Variants in RANBP2 observed in about 807,000 individuals in gnomAD.
RANBP2 encodes E3 SUMO-protein ligase RanBP2.
In RANBP2, 57 loss-of-function variants were observed where a neutral mutation model predicts 303.6. The observed-to-expected ratio is 0.19, with a 90% CI of 0.15 to 0.23. RANBP2 has a LOEUF of 0.23. RANBP2 is among the 10% of genes least tolerant of loss of function. The pLI, the probability that RANBP2 is intolerant of heterozygous loss-of-function variation, is 1.00. For synonymous variants in RANBP2, 1,167 were observed against 1,301.5 expected (o/e 0.90, Z 2.23); for missense variants, 3,138 against 3,780.8 (o/e 0.83, Z 4.46).
At chr2:109,556,640 T>C in the RANBP2 span, among the ~76,000 whole-genome samples, 1 of 151,972 alleles carries the variant, frequency 6.6e-6, no homozygotes, top group African/African-American at 2.4e-5. Flanking sequence ...TATCAGGCCT[T>C]TTTTTTTCTG....
At chr2:108,982,216 C>A in the RANBP2 span, among the ~76,000 whole-genome samples, 1 of 152,352 alleles carries the variant, frequency 6.6e-6, no homozygotes, top group South Asian at 2.1e-4. Context: ...AGTGGCCTCT[C>A]TAACAAAGAA....
the RANBP2 span, among the ~76,000 whole-genome samples, chr2:109,742,369 C>T: frequency 0.024 from 3,197 of 131,082 alleles, 323 homozygotes; most frequent in African/African-American, 0.092. Flanking sequence ...TGCAGTGAGC[C>T]GAGACCGTGC....
the RANBP2 span, among the ~76,000 whole-genome samples, chr2:108,800,320 A>AGTG: frequency 4.6e-5 from 7 of 152,310 alleles, no homozygotes; most frequent in Non-Finnish European, 1.0e-4. Flanking sequence ...GCTGGAGTAC[A>AGTG]GTGGCACGAT....
At chr2:108,752,292 G>T (rs574176995) in intron 12 of RANBP2, among the ~76,000 whole-genome samples, 1 of 151,934 alleles carries the variant, frequency 6.6e-6, no homozygotes, top group African/African-American at 2.4e-5. Flanking sequence ...AGGCTTTGTA[G>T]GTAAGACCAT....
rs527573563 is a variant in RANBP2, at chr2:108,744,175, G to A, written c.976-2536G>A. Among the ~76,000 whole-genome samples, 62 of 152,268 alleles carry A rather than the reference G, an allele frequency of 4.1e-4. No individual in the cohort carries two copies. The Middle Eastern group carries it at 0.024, about 58-fold the overall frequency. ...TCTTAGCACTTTGGGAGGCTGAGGC[G>A]GGCGGATCACTTGAGGTCAGGAGTT... On this transcript the variant is annotated intron_variant, in intron 7 of 28. Transcript: ENST00000283195.
At chr2:109,731,520 G>C in the RANBP2 span, among the ~76,000 whole-genome samples, 1 of 151,696 alleles carries the variant, frequency 6.6e-6, no homozygotes. Context: ...TCAGCCTCCA[G>C]AGTAGCTGGG....
chr2:109,658,487 CT>C, the RANBP2 span, among the ~76,000 whole-genome samples: 1 of 152,024 alleles, frequency 6.6e-6, no homozygotes, highest in Admixed American at 6.6e-5. Flanking sequence ...ACAATATTCT[CT>C]TTTTATTTAA....
chr2:109,508,650 A>G, the RANBP2 span, among the ~76,000 whole-genome samples: 3 of 152,146 alleles, frequency 2.0e-5, no homozygotes, highest in Admixed American at 6.5e-5. Flanking sequence ...ATGGAAGCAG[A>G]TGAAAGCCTG....
chr2:109,726,206 C>T, the RANBP2 span, among the ~76,000 whole-genome samples: 1 of 151,544 alleles, frequency 6.6e-6, no homozygotes, highest in Non-Finnish European at 1.5e-5. Flanking sequence ...GTCAGAAATT[C>T]GAGACCAGCC....
At chr2:108,843,876 G>GTGTGTGTGTGTGTGTGTTTGTT in the RANBP2 span, among the ~76,000 whole-genome samples, 1 of 13,870 alleles carries the variant, frequency 7.2e-5, no homozygotes, top group African/African-American at 9.6e-5. Context: ...GTGTGTGTGT[G>GTGTGTGTGTGTGTGTGTTTGTT]TGTTTCTTTC....
chr2:108,972,057 G>A, the RANBP2 span, among the ~76,000 whole-genome samples: 1 of 152,228 alleles, frequency 6.6e-6, no homozygotes, highest in South Asian at 2.1e-4. Flanking sequence ...GCCCGCAGAT[G>A]TTGCAGCCCA....
At chr2:109,241,600 G>T in the RANBP2 span, among the ~76,000 whole-genome samples, 4 of 152,162 alleles carry the variant, frequency 2.6e-5, no homozygotes, top group East Asian at 7.7e-4. Flanking sequence ...GGTTTGGCTT[G>T]GTTCGGTCAG....
chr2:109,455,491 C>T, the RANBP2 span, among the ~76,000 whole-genome samples: 1 of 151,662 alleles, frequency 6.6e-6, no homozygotes, highest in Non-Finnish European at 1.5e-5. Context: ...TGTGCACCCA[C>T]CCATTAAATA....
At chr2:109,613,007 C>T in the RANBP2 span, 1 of 488,998 alleles carries the variant, frequency 2.0e-6, no homozygotes, top group South Asian at 1.5e-5. Context: ...TTTGTTTACA[C>T]AGATGAAAAC....
the RANBP2 span, among the ~76,000 whole-genome samples, chr2:109,450,249 G>A: frequency 6.6e-6 from 1 of 152,256 alleles, no homozygotes; most frequent in African/African-American, 2.4e-5. Context: ...AGGAGGCTGA[G>A]GCAGGAGAAT....
chr2:109,704,240 T>G, the RANBP2 span, among the ~76,000 whole-genome samples: 2 of 152,182 alleles, frequency 1.3e-5, no homozygotes, highest in South Asian at 4.1e-4. Context: ...CACAGAGAAC[T>G]GCTCTAGAAA....
chr2:109,456,578 C>T, the RANBP2 span, among the ~76,000 whole-genome samples: 1 of 152,220 alleles, frequency 6.6e-6, no homozygotes, highest in Non-Finnish European at 1.5e-5. Context: ...GGCCTGGAGG[C>T]TTCTCTTGTT....
intron 7 of RANBP2, among the ~76,000 whole-genome samples, chr2:108,746,478 C>T (rs1290349956): frequency 6.8e-6 from 1 of 147,712 alleles, no homozygotes; most frequent in Non-Finnish European, 1.5e-5. Context: ...CCACCTTGGC[C>T]TCCCAGAGTG....
the RANBP2 span, among the ~76,000 whole-genome samples, chr2:109,489,207 G>A: frequency 6.6e-6 from 1 of 152,258 alleles, no homozygotes; most frequent in Non-Finnish European, 1.5e-5. Context: ...AATGCAGTGG[G>A]ATTAATGAAT....
Sources: allele counts gnomAD v4.1 joint callset (sites outside exome capture counted in the v4.1 genomes callset), GRCh38; gene constraint gnomAD v4.1.1; transcripts MANE v1.5; gene names NCBI Gene and HGNC (gene_info 2026-07-23, HGNC 2026-07-21).